The following DNAH12 variants were observed in gnomAD, a reference collection of about 807,000 sequenced individuals.
DNAH12 encodes dynein axonemal heavy chain 12.
In DNAH12, 285 loss-of-function variants were observed where a neutral mutation model predicts 371.5. The ratio of observed to expected loss-of-function variants is 0.77; its 90% CI spans 0.70 to 0.85. The LOEUF (loss-of-function observed/expected upper bound fraction) is 0.85. Ranked by LOEUF, DNAH12 falls within the 40% of genes least tolerant of loss-of-function variation. DNAH12 has a pLI of 0.00. For missense variants in DNAH12, 3,611 were observed against 3,689.4 expected, an observed-to-expected ratio of 0.98 and a Z score of 0.55; for synonymous variants, 1,200 against 1,213.0, an observed-to-expected ratio of 0.99 and a Z score of 0.22.
chr3:57,334,962 T>G (rs1248945744), intron 60 of DNAH12, 22 bp from the exon 61 acceptor site: 1 of 1,527,122 alleles, frequency 6.5e-7, no homozygotes, highest in Admixed American at 2.2e-5. Flanking sequence ...AAATAAGGAC[T>G]GTTATATAAT....
At chr3:57,396,278 CAAAAAAAAAAACA>C (rs1477402086) in intron 43 of DNAH12, among the ~76,000 whole-genome samples, 12,009 of 100,334 alleles carry the variant, frequency 0.12, 1,711 homozygotes, top group African/African-American at 0.39. Context: ...GACTGCATCT[CAAAAAAAAAAACA>C]AAAAAAAAAA....
At position 57,323,150 on chromosome 3, in the gene DNAH12, C is replaced by T. The variant is rs1388718608; in HGVS notation, c.10240G>A (p.Glu3414Lys). 1 of 1,552,434 alleles carries T rather than the reference C, an allele frequency of 6.4e-7. No individual in the cohort carries two copies. The highest frequency in any genetic ancestry group is 2.0e-5 in the Admixed American group (1 of 51,022). The change falls in exon 64 of 74, where the codon GAA (glutamate) becomes AAA (lysine). Residue 3414 changes from glutamate to lysine, a missense_variant. Glu to Lys is a moderately conservative substitution (Grantham distance 56). Coordinates refer to ENST00000495027, the MANE Select transcript of DNAH12 (RefSeq NM_001366028.2). ...TGTAGGCACACCCAAGTTCCTTCTT[C>T]AATTGCTGCTTTAATCATTTTTGCT... Reference protein sequence around the residue: ...IAAKMIKAAIEEGTWVCLQNC... With the variant: ...IAAKMIKAAIKEGTWVCLQNC...
At chr3:57,398,113 C>A (rs1231372305) in intron 43 of DNAH12, among the ~76,000 whole-genome samples, 2 of 152,134 alleles carry the variant, frequency 1.3e-5, no homozygotes, top group South Asian at 2.1e-4. Context: ...AATATAAATT[C>A]TGGACCCAAA....
intron 32 of DNAH12, among the ~76,000 whole-genome samples, chr3:57,431,191 C>A (rs1205861020): frequency 3.3e-5 from 5 of 151,330 alleles, no homozygotes; most frequent in Admixed American, 3.3e-4. Flanking sequence ...TTCCCAACTA[C>A]TTCTATTCCA....
At chr3:57,364,519 G>A (rs1429020265) in intron 57 of DNAH12, among the ~76,000 whole-genome samples, 1 of 151,614 alleles carries the variant, frequency 6.6e-6, no homozygotes, top group Non-Finnish European at 1.5e-5. Context: ...TACATATTTG[G>A]GGTTTTACAT....
At position 57,307,153 on chromosome 3, in the gene DNAH12, C is replaced by T. The variant is rs1220973407; in HGVS notation, c.11189+1998G>A. 3.3e-5 allele frequency among the ~76,000 whole-genome samples: 5 copies of T among 152,178 alleles called. No homozygotes were observed. In the East Asian group the frequency reaches 5.8e-4, roughly 18 times the overall value. The stretch of plus-strand genomic sequence containing the variant: ...AAACACATGTGCTCTCCCTGCCGAT[C>T]GTGTCCGACTGATCTCTCAAACCCC... On this transcript the variant is annotated intron_variant, in intron 69 of 73. Coordinates refer to ENST00000495027, the MANE Select transcript of DNAH12 (RefSeq NM_001366028.2).
At chr3:57,543,685 C>T (rs2069400718) in intron 1 of DNAH12, among the ~76,000 whole-genome samples, 1 of 150,878 alleles carries the variant, frequency 6.6e-6, no homozygotes, top group South Asian at 2.1e-4. Context: ...GAAAGTGATG[C>T]TATGATCAAG....
At chr3:57,503,940 G>T in intron 9 of DNAH12, 76 bp downstream of exon 9, 1 of 1,143,114 alleles carries the variant, frequency 8.7e-7, no homozygotes, top group Non-Finnish European at 1.2e-6. Context: ...TCATAACATT[G>T]TATGTACACA....
At chr3:57,376,280 T>C (rs1412786904) in intron 53 of DNAH12, among the ~76,000 whole-genome samples, 1 of 151,920 alleles carries the variant, frequency 6.6e-6, no homozygotes, top group African/African-American at 2.4e-5. Flanking sequence ...TCTTGGATGA[T>C]TTGGTCTAGT....
rs1326237791 is a variant in DNAH12, at chr3:57,389,839, T to TATATATATATATATATATATATAA, written c.7305+2032_7305+2033insTTATATATATATATATATATATAT. Reference sequence around the variant, plus strand: ...GTGTGTGTGTATATATATATATATATAATACTTTTTTTTTTGAAATGGAGT... The same window carrying TATATATATATATATATATATATAA: ...GTGTGTGTGTATATATATATATATATATATATATATATATATATATATAAAATACTTTTTTTTTTGAAATGGAGT... On this transcript the variant is annotated intron_variant, in intron 45 of 73. Coordinates refer to ENST00000495027, the MANE Select transcript of DNAH12 (RefSeq NM_001366028.2). Among the ~76,000 whole-genome samples the TATATATATATATATATATATATAA allele has an allele frequency of 2.9e-3, 247 of 84,650 alleles. 19 individuals are homozygous for TATATATATATATATATATATATAA. Among genetic ancestry groups the TATATATATATATATATATATATAA allele is most frequent in the African/African-American group, 3.5e-3 (101 of 28,878 alleles). 55.5% of individuals were successfully genotyped at this position (84,650 alleles called of 152,430 possible).
At chr3:57,335,453 G>C (rs987270230) in intron 60 of DNAH12, among the ~76,000 whole-genome samples, 20 of 152,214 alleles carry the variant, frequency 1.3e-4, no homozygotes, top group Non-Finnish European at 2.5e-4. Flanking sequence ...AGAATTCTTA[G>C]TCACGCATTC....
intron 60 of DNAH12, among the ~76,000 whole-genome samples, chr3:57,343,846 T>C (rs1553657087): frequency 6.6e-6 from 1 of 152,224 alleles, no homozygotes; most frequent in African/African-American, 2.4e-5. Flanking sequence ...TTCTTTACTC[T>C]GCTGAGACGT....
chr3:57,550,568 A>G, the DNAH12 span, among the ~76,000 whole-genome samples: 1 of 152,058 alleles, frequency 6.6e-6, no homozygotes, highest in Non-Finnish European at 1.5e-5. Flanking sequence ...GCTGGAGTGC[A>G]GTGGTGCAAT....
chr3:57,299,616 G>A (rs1276522156), intron 70 of DNAH12, among the ~76,000 whole-genome samples: 1 of 152,178 alleles, frequency 6.6e-6, no homozygotes, highest in Admixed American at 6.5e-5. Flanking sequence ...GGTATTTGGA[G>A]ATGGAGCCTT....
At chr3:57,312,434 G>C (rs1193788276) in intron 66 of DNAH12, among the ~76,000 whole-genome samples, 1 of 152,200 alleles carries the variant, frequency 6.6e-6, no homozygotes, top group Admixed American at 6.5e-5. Flanking sequence ...GAGACCAACA[G>C]CTCATTCTCT....
intron 59 of DNAH12, 108 bp from the exon 60 acceptor site, chr3:57,352,333 A>C: frequency 8.3e-7 from 1 of 1,199,672 alleles, no homozygotes; most frequent in Non-Finnish European, 1.1e-6. Context: ...ACTATTAAAA[A>C]CGTATAAAGA....
At position 57,319,517 on chromosome 3, in the gene DNAH12, T is replaced by A. The variant is rs78512758; in HGVS notation, c.10524+2826A>T. On this transcript the variant is annotated intron_variant, in intron 65 of 73. Coordinates refer to ENST00000495027, the MANE Select transcript of DNAH12 (RefSeq NM_001366028.2). ...AATATAAGTTGTGGTATTTTCATATTGGCTTTTATTATGTTGAGGTAATTT... is the reference window on the plus strand; with the variant it reads ...AATATAAGTTGTGGTATTTTCATATAGGCTTTTATTATGTTGAGGTAATTT... 7.1e-3 allele frequency among the ~76,000 whole-genome samples: 1,079 copies of A among 152,278 alleles called. 11 individuals are homozygous for A. The highest frequency in any genetic ancestry group is 0.024 in the African/African-American group (1,003 of 41,548).
At chr3:57,374,547 C>T (rs1232849849) in intron 55 of DNAH12, among the ~76,000 whole-genome samples, 2 of 152,032 alleles carry the variant, frequency 1.3e-5, no homozygotes, top group Admixed American at 6.6e-5. Flanking sequence ...AAAAAAGGTA[C>T]CCATGAAATT....
intron 25 of DNAH12, among the ~76,000 whole-genome samples, chr3:57,450,798 C>T (rs2065735058): frequency 6.6e-6 from 1 of 152,160 alleles, no homozygotes; most frequent in Non-Finnish European, 1.5e-5. Flanking sequence ...TCTTTTCTCC[C>T]AGATCCATTG....
Sources: gnomAD v4.1 joint callset for allele counts (sites outside exome capture counted in the v4.1 genomes callset) on GRCh38, gnomAD v4.1.1 for gene constraint, MANE v1.5 for transcripts, NCBI Gene and HGNC (gene_info 2026-07-23, HGNC 2026-07-21) for gene names.